The following SUFU variants were observed in gnomAD, a reference collection of about 807,000 sequenced individuals.
SUFU encodes the protein suppressor of fused homolog.
Under a neutral mutation model 58.9 loss-of-function variants are expected in SUFU, and 7 were observed. The ratio of observed to expected loss-of-function variants is 0.12; its 90% CI spans 0.07 to 0.22. The LOEUF is 0.22. Ranked by LOEUF, SUFU falls within the 10% of genes least tolerant of loss-of-function variation. SUFU has a pLI of 1.00. For missense variants in SUFU, 451 were observed against 641.3 expected, an observed-to-expected ratio of 0.70 and a Z score of 3.20; for synonymous variants, 232 against 254.8, an observed-to-expected ratio of 0.91 and a Z score of 0.85.
Position 102,508,364 on chromosome 10 carries a change from C to T in SUFU, c.183-805C>T, listed in dbSNP as rs79286652. Among the ~76,000 whole-genome samples, 1,373 of 152,218 alleles carry T rather than the reference C, an allele frequency of 9.0e-3. 18 individuals are homozygous for T. The highest frequency in any genetic ancestry group is 0.031 in the African/African-American group (1,292 of 41,508). ...AGTGAGATAATAACTGAATCTCTTC[C>T]GCAACTCCTTCTCAGTTGAATGGTG... On this transcript the variant is annotated intron_variant, in intron 1 of 11. Transcript: ENST00000369902.
intron 10 of SUFU, among the ~76,000 whole-genome samples, chr10:102,620,555 G>A (rs1346877045): frequency 1.3e-5 from 2 of 152,198 alleles, no homozygotes; most frequent in Non-Finnish European, 2.9e-5. Context: ...AGTTCCACAG[G>A]CTTTCACTTT....
At chr10:102,604,557 T>C (rs2063544427) in intron 8 of SUFU, among the ~76,000 whole-genome samples, 1 of 152,162 alleles carries the variant, frequency 6.6e-6, no homozygotes, top group African/African-American at 2.4e-5. Context: ...TCGCCCATCC[T>C]TGATCCTCGG....
chr10:102,570,621 C>T (rs1187323962), intron 3 of SUFU, among the ~76,000 whole-genome samples: 1 of 151,988 alleles, frequency 6.6e-6, no homozygotes, highest in Non-Finnish European at 1.5e-5. Context: ...CAAGTCCTTC[C>T]CCCTTCCTCT....
intron 5 of SUFU, 112 bp from the exon 6 acceptor site, chr10:102,593,881 C>A: frequency 1.4e-6 from 2 of 1,428,408 alleles, no homozygotes; most frequent in Non-Finnish European, 2.0e-6. Flanking sequence ...TCCCTGACCA[C>A]GAACTATTCC....
intron 7 of SUFU, among the ~76,000 whole-genome samples, chr10:102,598,181 G>A (rs2063483431): frequency 1.3e-5 from 2 of 151,856 alleles, no homozygotes; most frequent in Admixed American, 6.6e-5. Context: ...TTTGAAACAG[G>A]GGTCTCTGTT....
chr10:102,583,287 A>G (rs529577072), intron 3 of SUFU, among the ~76,000 whole-genome samples: 1 of 152,302 alleles, frequency 6.6e-6, no homozygotes. Context: ...GCTGCGGAAG[A>G]CCCTGCCCCT....
At chr10:102,526,997 T>G (rs945608743) in intron 2 of SUFU, among the ~76,000 whole-genome samples, 15 of 140,182 alleles carry the variant, frequency 1.1e-4, no homozygotes, top group Non-Finnish European at 1.7e-4. Flanking sequence ...ATTATTGTTT[T>G]TTTTTTTTTT....
rs912496445 is a variant in SUFU, at chr10:102,632,951, C to G, written c.*2796C>G. ...TGGGGAGCTGGTGCCTCTTCCTGCC[C>G]GTATCTTTCTCTTCCAAGGGCAGTG... On this transcript the variant is annotated 3_prime_UTR_variant, in exon 12 of 12. Coordinates refer to ENST00000369902, the MANE Select transcript of SUFU (RefSeq NM_016169.4). 4.3e-6 allele frequency: 1 copy of G among 233,322 alleles called. No homozygotes were observed. The highest frequency in any genetic ancestry group is 8.5e-6 in the Non-Finnish European group (1 of 118,232). The allele number at this position is 233,322 out of a possible 1,614,324, so 14.5% of individuals were successfully genotyped here.
At chr10:102,534,350 C>T (rs999795419) in intron 2 of SUFU, among the ~76,000 whole-genome samples, 2 of 152,150 alleles carry the variant, frequency 1.3e-5, no homozygotes, top group Non-Finnish European at 2.9e-5. Flanking sequence ...TGGCGTGAAC[C>T]CGGGAAGCGG....
At chr10:102,620,477 G>T (rs537010940) in intron 10 of SUFU, among the ~76,000 whole-genome samples, 3 of 152,212 alleles carry the variant, frequency 2.0e-5, no homozygotes, top group African/African-American at 2.4e-5. Context: ...CTTGTCTGCA[G>T]CACCAGGTGG....
intron 8 of SUFU, among the ~76,000 whole-genome samples, chr10:102,601,780 A>T (rs548771932): frequency 4.8e-4 from 73 of 152,156 alleles, no homozygotes; most frequent in African/African-American, 1.7e-3. Flanking sequence ...TTTCACATAC[A>T]CCACATGGAT....
chr10:102,582,211 G>GT (rs555758402), intron 3 of SUFU, among the ~76,000 whole-genome samples: 143 of 152,294 alleles, frequency 9.4e-4, no homozygotes, highest in Non-Finnish European at 1.7e-3. Flanking sequence ...CTGACCCTGG[G>GT]TTGGGGTGTT....
Position 102,597,258 on chromosome 10 carries a change from G to T in SUFU, c.875G>T (p.Cys292Phe), listed in dbSNP as rs193921097. 3.7e-6 allele frequency: 6 copies of T among 1,613,848 alleles called. No homozygotes were observed. The South Asian group carries it at 6.6e-5, about 18-fold the overall frequency. The change falls in exon 7 of 12, where the codon TGC becomes TTC. Residue 292 changes from cysteine (C) to phenylalanine (F), a missense_variant. Transcript: ENST00000369902. ...GATGACGAGGACAGCCGGAGCATCT[G>T]CATCGGCACACAGCCCCGGCGACTC... ...PEDDEDSRSI[C>F]IGTQPRRLSG...
At chr10:102,531,146 T>C (rs2062673759) in intron 2 of SUFU, among the ~76,000 whole-genome samples, 1 of 150,050 alleles carries the variant, frequency 6.7e-6, no homozygotes, top group African/African-American at 2.5e-5. Flanking sequence ...TCCCAGCTAC[T>C]CAGGAGACTG....
At chr10:102,558,122 G>T (rs913166944) in intron 3 of SUFU, among the ~76,000 whole-genome samples, 3 of 152,026 alleles carry the variant, frequency 2.0e-5, no homozygotes, top group Non-Finnish European at 4.4e-5. Flanking sequence ...GGCTGGTCTC[G>T]AACTCCTGAC....
chr10:102,562,525 A>C (rs1564682130), intron 3 of SUFU, among the ~76,000 whole-genome samples: 1 of 151,620 alleles, frequency 6.6e-6, no homozygotes. Flanking sequence ...TCTGTCTCAA[A>C]AACAACAACA....
chr10:102,626,656 T>A (rs2063789392), intron 10 of SUFU, among the ~76,000 whole-genome samples: 1 of 152,102 alleles, frequency 6.6e-6, no homozygotes, highest in Non-Finnish European at 1.5e-5. Context: ...AATCTCCAGA[T>A]TCTCCAGCTC....
At chr10:102,520,430 G>C (rs1355076218) in intron 2 of SUFU, among the ~76,000 whole-genome samples, 1 of 151,510 alleles carries the variant, frequency 6.6e-6, no homozygotes, top group African/African-American at 2.4e-5. Flanking sequence ...ATGTTGGCCA[G>C]GCTGGTCTCG....
chr10:102,547,604 T>A (rs942233556), intron 2 of SUFU, among the ~76,000 whole-genome samples: 12 of 152,186 alleles, frequency 7.9e-5, no homozygotes, highest in Non-Finnish European at 1.6e-4. Flanking sequence ...GGAGGATTAC[T>A]TGAGCCTGGG....
Sources: gnomAD v4.1 joint callset for allele counts (sites outside exome capture counted in the v4.1 genomes callset) on GRCh38, gnomAD v4.1.1 for gene constraint, MANE v1.5 for transcripts, NCBI Gene and HGNC (gene_info 2026-07-23, HGNC 2026-07-21) for gene names.